The following CERT1 variants were observed in gnomAD, a reference collection of about 807,000 sequenced individuals.
The protein encoded by CERT1 is ceramide transporter 1.
Under a neutral mutation model 87.9 loss-of-function variants are expected in CERT1, and 31 were observed. The observed-to-expected ratio is 0.35, with a 90% confidence interval of 0.27 to 0.48. CERT1 has a LOEUF of 0.48. CERT1 is among the 20% of genes least tolerant of loss of function. The pLI is 0.99. For missense variants in CERT1, 487 were observed against 758.0 expected, an observed-to-expected ratio of 0.64 and a Z score of 4.20; for synonymous variants, 289 against 250.9, an observed-to-expected ratio of 1.15 and a Z score of -1.44.
intron 3 of CERT1, among the ~76,000 whole-genome samples, chr5:75,437,663 G>C (rs1764149912): frequency 6.6e-6 from 1 of 151,626 alleles, no homozygotes. Flanking sequence ...CTACTTGGGA[G>C]GCTGAGGCAG....
At chr5:75,390,436 A>C (rs1761985319) in intron 11 of CERT1, among the ~76,000 whole-genome samples, 1 of 152,034 alleles carries the variant, frequency 6.6e-6, no homozygotes, top group Admixed American at 6.6e-5. Context: ...TAAAATTTCT[A>C]ATAATTTCCT....
In CERT1 at chr5:75,460,676, T is replaced by C. The variant is rs1004482566; in HGVS notation, c.232-1495A>G. On this transcript the variant is annotated intron_variant, in intron 2 of 16. Coordinates refer to ENST00000643780, the MANE Select transcript of CERT1 (RefSeq NM_001379029.1). Reference sequence around the variant, plus strand: ...TCTGGGCAACACGACAGTGAACTTATTTGCTTAACACAATTTACATCCTGT... The same window carrying C: ...TCTGGGCAACACGACAGTGAACTTACTTGCTTAACACAATTTACATCCTGT... Among the ~76,000 whole-genome samples, 77 of 152,242 alleles carry C rather than the reference T, an allele frequency of 5.1e-4. 1 individual carries two copies. Among genetic ancestry groups the C allele is most frequent in the Non-Finnish European group, 1.8e-4 (12 of 68,036 alleles).
intron 4 of CERT1, 108 bp downstream of exon 4, chr5:75,426,263 T>C (rs1253018134): frequency 3.4e-5 from 21 of 622,314 alleles, no homozygotes; most frequent in Non-Finnish European, 5.9e-5. Context: ...AAATAAATTA[T>C]ACTATAAAAA....
intron 2 of CERT1, among the ~76,000 whole-genome samples, chr5:75,467,164 A>G (rs532619948): frequency 2.0e-4 from 31 of 152,300 alleles, no homozygotes; most frequent in African/African-American, 6.0e-4. Context: ...TCAGCAACTT[A>G]GTGGATTCTC....
intron 8 of CERT1, among the ~76,000 whole-genome samples, chr5:75,408,487 C>T (rs936759525): frequency 6.6e-6 from 1 of 152,102 alleles, no homozygotes; most frequent in African/African-American, 2.4e-5. Context: ...TGAGAAATAG[C>T]AGCCCGAACC....
At chr5:75,400,499 A>C in intron 9 of CERT1, 1 of 496,016 alleles carries the variant, frequency 2.0e-6, no homozygotes. Flanking sequence ...CTTCTTTCTG[A>C]CTCCACAGAT....
downstream of CERT1, chr5:75,375,549 C>T (rs1761261356): frequency 6.8e-6 from 1 of 148,042 alleles, no homozygotes; most frequent in Non-Finnish European, 1.5e-5. Context: ...CCAGTGTACT[C>T]CAACCTGGGC....
chr5:75,415,144 A>G (rs1048785989), intron 7 of CERT1, among the ~76,000 whole-genome samples: 19 of 152,238 alleles, frequency 1.2e-4, no homozygotes, highest in Non-Finnish European at 2.4e-4. Flanking sequence ...GTATATATAT[A>G]TGAACACACA....
chr5:75,431,662 C>T (rs1763872885), intron 3 of CERT1, among the ~76,000 whole-genome samples: 1 of 152,146 alleles, frequency 6.6e-6, no homozygotes, highest in Non-Finnish European at 1.5e-5. Flanking sequence ...TGAAAACATG[C>T]AGTATTTGTT....
At position 75,415,035 on chromosome 5, in the gene CERT1, T is replaced by TAC. The variant is rs150043321; in HGVS notation, c.837+1839_837+1840dup. Among the ~76,000 whole-genome samples, 1,194 of 149,378 alleles carry TAC rather than the reference T, an allele frequency of 8.0e-3. 3 individuals carry two copies. Among genetic ancestry groups the TAC allele is most frequent in the Middle Eastern group, 0.014 (4 of 290 alleles). ...CTTTCTAGTCTTTAGTGTGTATATA[T>TAC]ACACACACACACACACACACACTCT... On this transcript the variant is annotated intron_variant, in intron 7 of 16. Coordinates refer to ENST00000643780, the MANE Select transcript of CERT1 (RefSeq NM_001379029.1).
At chr5:75,450,960 C>T (rs1253387237) in intron 3 of CERT1, among the ~76,000 whole-genome samples, 1 of 152,156 alleles carries the variant, frequency 6.6e-6, no homozygotes, top group African/African-American at 2.4e-5. Context: ...TGATCCATAA[C>T]CTTGACAAAA....
rs1763623894 is a variant in CERT1, at chr5:75,426,492, T to TA, written c.349-15dup. The TA allele has an allele frequency of 1.3e-6, 2 of 1,503,736 alleles. No homozygotes were observed. Among genetic ancestry groups the TA allele is most frequent in the Non-Finnish European group, 1.8e-6 (2 of 1,084,306 alleles). The allele number at this position is 1,503,736 out of a possible 1,614,324, so 93.1% of individuals were successfully genotyped here. A position where few individuals can be genotyped will look rare whatever the true frequency, so the allele number is the denominator to read the frequency against. On this transcript the variant is annotated splice_polypyrimidine_tract_variant and intron_variant, in intron 3 of 16. Transcript: ENST00000643780. ...TCCAGATTCAGTCTAAAAAAAAAAG[T>TA]AAACTATGTGAAAAGAATTTAAATA...
chr5:75,376,773 A>C (rs943832042), downstream of CERT1: 11 of 152,208 alleles, frequency 7.2e-5, no homozygotes, highest in African/African-American at 2.2e-4. Flanking sequence ...TCCTGGGATA[A>C]AGCTAAACAA....
At chr5:75,442,272 G>A (rs902664887) in intron 3 of CERT1, among the ~76,000 whole-genome samples, 1 of 152,178 alleles carries the variant, frequency 6.6e-6, no homozygotes, top group African/African-American at 2.4e-5. Context: ...ATTTCTTGCA[G>A]TGCAGGTCTA....
chr5:75,408,193 T>C (rs756723044), intron 8 of CERT1, among the ~76,000 whole-genome samples: 4 of 152,234 alleles, frequency 2.6e-5, no homozygotes, highest in East Asian at 1.9e-4. Flanking sequence ...CTATGTGATA[T>C]AGTAGGAGAC....
chr5:75,479,476 G>A (rs983995335), intron 2 of CERT1, among the ~76,000 whole-genome samples: 1 of 152,004 alleles, frequency 6.6e-6, no homozygotes, highest in Non-Finnish European at 1.5e-5. Context: ...AGACCCCAGA[G>A]TCCATTGTTC....
intron 3 of CERT1, among the ~76,000 whole-genome samples, chr5:75,444,456 C>T (rs187616578): frequency 1.2e-3 from 179 of 152,026 alleles, no homozygotes; most frequent in Non-Finnish European, 2.3e-3. Context: ...CTTATTTTTG[C>T]TATTTTCTAT....
chr5:75,384,603 A>C (rs1761712548), intron 14 of CERT1, 39 bp downstream of exon 14: 1 of 1,409,706 alleles, frequency 7.1e-7, no homozygotes, highest in Admixed American at 1.7e-5. Flanking sequence ...AGTTTGAACT[A>C]CATTGAAATC....
intron 3 of CERT1, among the ~76,000 whole-genome samples, chr5:75,456,059 T>C (rs1193945819): frequency 6.6e-6 from 1 of 152,136 alleles, no homozygotes; most frequent in Non-Finnish European, 1.5e-5. Context: ...CATACTTAAA[T>C]AGTAAAATTA....
Sources: gnomAD v4.1 joint callset for allele counts (sites outside exome capture counted in the v4.1 genomes callset) on GRCh38, gnomAD v4.1.1 for gene constraint, MANE v1.5 for transcripts, NCBI Gene and HGNC (gene_info 2026-07-23, HGNC 2026-07-21) for gene names.